ZNF853: variants seen among roughly 807,000 people sequenced by gnomAD.
ZNF853 encodes zinc finger protein 853.
A neutral mutation model predicts 94.7 loss-of-function variants in ZNF853; 57 were observed. The ratio of observed to expected loss-of-function variants is 0.60; its 90% confidence interval spans 0.49 to 0.75. ZNF853 has a LOEUF of 0.75. ZNF853 is among the 30% of genes least tolerant of loss of function. The pLI, the probability that ZNF853 is intolerant of heterozygous loss-of-function variation, is 0.00. For missense variants in ZNF853, 785 were observed against 868.9 expected, an observed-to-expected ratio of 0.90 and a Z score of 1.21; for synonymous variants, 448 against 406.3, an observed-to-expected ratio of 1.10 and a Z score of -1.23.
At position 6,621,816 on chromosome 7, in the gene ZNF853, G is replaced by A. The variant is rs745907812; in HGVS notation, c.825G>A (p.Gln275=). The A allele has an allele frequency of 6.5e-7, 1 of 1,550,320 alleles. No individual in the cohort carries two copies. The highest frequency in any genetic ancestry group is 1.2e-5 in the South Asian group (1 of 83,872). ...TGGAACAGCAGCAGGCACAGTTACA[G>A]CAGCAGCTACTGCTGCAGCAGCAGG... ...QLLEQQQAQL[Q]QQLLLQQQEQ... The change falls in exon 3 of 3, where the codon CAG becomes CAA. Residue 275 remains glutamine (Q), a synonymous_variant. Coordinates refer to ENST00000457543, the MANE Select transcript of ZNF853 (RefSeq NM_017560.3).
rs1039371383 is a variant in ZNF853, at chr7:6,621,968, C to T, written c.977C>T (p.Pro326Leu). The change falls in exon 3 of 3, where the codon CCG (proline) becomes CTG (leucine). Residue 326 changes from proline to leucine, a missense_variant. Transcript: ENST00000457543. ...GAAGAGGTGGAGCTGGAGCTCATGC[C>T]GGTGGACCTGGGGTCAGAGCAGGAG... ...EEEEVELELM[P>L]VDLGSEQELE... 11 of 1,550,750 alleles carry T rather than the reference C, an allele frequency of 7.1e-6. No homozygotes were observed. Among genetic ancestry groups the T allele is most frequent in the Admixed American group, 3.9e-5 (2 of 50,992 alleles).
At chr7:6,621,015 C>G in intron 2 of ZNF853, 107 bp from the exon 3 acceptor site, 9 of 1,350,968 alleles carry the variant, frequency 6.7e-6, no homozygotes, top group Non-Finnish European at 8.8e-6. Flanking sequence ...CTGCTAAGAG[C>G]GTGTTAGTGT....
chr7:6,616,100 T>A lies in ZNF853; in HGVS notation c.-75T>A. 1 of 1,470,972 alleles carries A rather than the reference T, an allele frequency of 6.8e-7. No individual in the cohort carries two copies. The highest frequency in any genetic ancestry group is 1.2e-5 in the South Asian group (1 of 81,234). 91.1% of individuals were successfully genotyped at this position (1,470,972 alleles called of 1,614,324 possible). A position where few individuals can be genotyped will look rare whatever the true frequency, so the allele number is the denominator to read the frequency against. On this transcript the variant is annotated 5_prime_UTR_variant, in exon 1 of 3. Transcript: ENST00000457543. ...GGAGGCGCCTCCGGAAGGAGCCGGCTGCACGCCGTGGCCTTCACCTCGCAG... is the reference window on the plus strand; with the variant it reads ...GGAGGCGCCTCCGGAAGGAGCCGGCAGCACGCCGTGGCCTTCACCTCGCAG...
chr7:6,619,624 C>G, intron 2 of ZNF853, among the ~76,000 whole-genome samples: 2 of 152,004 alleles, frequency 1.3e-5, no homozygotes, highest in Non-Finnish European at 2.9e-5. Context: ...AGAAAGCAAA[C>G]TTTTATAAAT....
In ZNF853 at chr7:6,621,410, C is replaced by T. The variant is rs922692949; in HGVS notation, c.419C>T (p.Ser140Phe). 6.4e-7 allele frequency: 1 copy of T among 1,551,610 alleles called. No homozygotes were observed. The highest frequency in any genetic ancestry group is 1.4e-5 in the African/African-American group (1 of 73,036). Reference protein sequence around the residue: ...LSQLQQEKHQSVHHQELKPEL... With the variant: ...LSQLQQEKHQFVHHQELKPEL... Reference sequence around the variant, plus strand: ...CAACTACAACAGGAAAAACACCAATCCGTGCACCATCAGGAACTGAAACCA... The same window carrying T: ...CAACTACAACAGGAAAAACACCAATTCGTGCACCATCAGGAACTGAAACCA... The change falls in exon 3 of 3, where the codon TCC becomes TTC. Residue 140 changes from serine to phenylalanine, a missense_variant. By Grantham distance (155) the Ser-to-Phe change is radical. Coordinates refer to ENST00000457543, the MANE Select transcript of ZNF853 (RefSeq NM_017560.3).
intron 1 of ZNF853, 133 bp from the exon 2 acceptor site, chr7:6,617,057 G>A: frequency 1.6e-6 from 1 of 614,966 alleles, no homozygotes; most frequent in South Asian, 2.1e-5. Context: ...CAGTCCTATA[G>A]TTGCAGCAGG....
chr7:6,622,104 G>A lies in ZNF853; in HGVS notation c.1113G>A (p.Gln371=), dbSNP rs1002795896. ...AGGAGCTGCAGCAGCTGGAGCAACA[G>A]CTGGAGCAGCAGCAGCAGCAGCTGG... ...LQEELQQLEQ[Q]LEQQQQQLEQ... Residue 371 remains glutamine (Q), a synonymous_variant, in exon 3 of 3, where the codon CAG becomes CAA. Transcript: ENST00000457543. 1.1e-5 allele frequency: 17 copies of A among 1,546,026 alleles called. No individual in the cohort carries two copies. The African/African-American group carries it at 2.3e-4, about 21-fold the overall frequency.
Position 6,616,095 on chromosome 7 carries a change from C to A in ZNF853, c.-80C>A, listed in dbSNP as rs952425720. On this transcript the variant is annotated 5_prime_UTR_variant, in exon 1 of 3. Coordinates refer to ENST00000457543, the MANE Select transcript of ZNF853 (RefSeq NM_017560.3). Reference sequence around the variant, plus strand: ...TGGATGGAGGCGCCTCCGGAAGGAGCCGGCTGCACGCCGTGGCCTTCACCT... The same window carrying A: ...TGGATGGAGGCGCCTCCGGAAGGAGACGGCTGCACGCCGTGGCCTTCACCT... 4.9e-6 allele frequency: 7 copies of A among 1,432,598 alleles called. No individual in the cohort carries two copies. The highest frequency in any genetic ancestry group is 6.7e-6 in the Non-Finnish European group (7 of 1,051,566). The allele number at this position is 1,432,598 out of a possible 1,614,324, so 88.7% of individuals were successfully genotyped here.
At position 6,622,418 on chromosome 7, in the gene ZNF853, G is replaced by A. The variant is rs1229253709; in HGVS notation, c.1427G>A (p.Arg476Gln). 2.8e-6 allele frequency: 4 copies of A among 1,416,134 alleles called. No individual in the cohort carries two copies. The highest frequency in any genetic ancestry group is 3.7e-6 in the Non-Finnish European group (4 of 1,094,542). The allele number at this position is 1,416,134 out of a possible 1,614,324, so 87.7% of individuals were successfully genotyped here. Residue 476 changes from arginine to glutamine, a missense_variant, in exon 3 of 3, where the codon CGG becomes CAG. Arg to Gln is a conservative substitution (Grantham distance 43, BLOSUM62 1). Coordinates refer to ENST00000457543, the MANE Select transcript of ZNF853 (RefSeq NM_017560.3). ...SAALTPARQR[R>Q]RRRARDRPTI... ...GCGTTGACCCCTGCACGGCAGCGGC[G>A]GCGGCGGCGCGCTCGGGACCGGCCG...
chr7:6,621,420 T>A lies in ZNF853; in HGVS notation c.429T>A (p.His143Gln), dbSNP rs1300028492. The A allele has an allele frequency of 6.4e-7, 1 of 1,551,592 alleles. No homozygotes were observed. The highest frequency in any genetic ancestry group is 2.0e-5 in the Admixed American group (1 of 50,984). ...LQQEKHQSVH[H>Q]QELKPELQLM... is the part of the protein sequence containing the mutation. ...AGGAAAAACACCAATCCGTGCACCA[T>A]CAGGAACTGAAACCAGAACTGCAGC... Residue 143 changes from histidine (H) to glutamine (Q), a missense_variant, in exon 3 of 3, where the codon CAT (histidine) becomes CAA (glutamine). Coordinates refer to ENST00000457543, the MANE Select transcript of ZNF853 (RefSeq NM_017560.3).
chr7:6,622,950 G>A lies in ZNF853; in HGVS notation c.1959G>A (p.Ala653=), dbSNP rs1782668225. The A allele has an allele frequency of 3.2e-6, 4 of 1,251,364 alleles. No individual in the cohort carries two copies. The South Asian group carries it at 1.0e-4, about 31-fold the overall frequency. The allele number at this position is 1,251,364 out of a possible 1,614,324, so 77.5% of individuals were successfully genotyped here. The part of the protein sequence containing the change: ...ARAEQAATAT[A]PADKAL ...CGGAGCAGGCCGCTACAGCCACTGC[G>A]CCCGCAGACAAGGCGCTGTGAGGGC... Residue 653 remains alanine (A), a synonymous_variant, in exon 3 of 3, where the codon GCG becomes GCA. Transcript: ENST00000457543.
Position 6,616,109 on chromosome 7 carries a change from T to A in ZNF853, c.-66T>A. 6.7e-7 allele frequency: 1 copy of A among 1,502,528 alleles called. No individual in the cohort carries two copies. The allele number at this position is 1,502,528 out of a possible 1,614,324, so 93.1% of individuals were successfully genotyped here. A position where few individuals can be genotyped will look rare whatever the true frequency, so the allele number is the denominator to read the frequency against. ...TCCGGAAGGAGCCGGCTGCACGCCG[T>A]GGCCTTCACCTCGCAGCCTCTGCTG... On this transcript the variant is annotated 5_prime_UTR_variant, in exon 1 of 3. Transcript: ENST00000457543.
chr7:6,617,061 C>T, intron 1 of ZNF853, 129 bp from the exon 2 acceptor site: 4 of 625,376 alleles, frequency 6.4e-6, no homozygotes, highest in South Asian at 6.2e-5. Flanking sequence ...CCTATAGTTG[C>T]AGCAGGTATG....
At chr7:6,620,199 C>G in intron 2 of ZNF853, among the ~76,000 whole-genome samples, 2 of 152,322 alleles carry the variant, frequency 1.3e-5, no homozygotes, top group East Asian at 1.9e-4. Context: ...CTGTCTGAAA[C>G]CTAGTGGTCT....
chr7:6,623,845 C>T lies in ZNF853; in HGVS notation c.*874C>T, dbSNP rs1782694938. 6.6e-6 allele frequency: 1 copy of T among 152,516 alleles called. No individual in the cohort carries two copies. Among genetic ancestry groups the T allele is most frequent in the Non-Finnish European group, 1.5e-5 (1 of 68,260 alleles). 9.4% of individuals were successfully genotyped at this position (152,516 alleles called of 1,614,324 possible). The stretch of plus-strand genomic sequence containing the variant: ...CTCCGGGGTAGCCCCACTGTGGCCC[C>T]CCTGGACTCCACCAGCTTCATGCTT... On this transcript the variant is annotated 3_prime_UTR_variant, in exon 3 of 3. Transcript: ENST00000457543.
chr7:6,617,471 C>T, intron 2 of ZNF853, 164 bp downstream of exon 2: 1 of 641,652 alleles, frequency 1.6e-6, no homozygotes, highest in Admixed American at 6.3e-5. Flanking sequence ...GTGGCTGTGT[C>T]AGGCAGGCTG....
At chr7:6,620,988 C>T in intron 2 of ZNF853, 134 bp from the exon 3 acceptor site, 1 of 1,161,098 alleles carries the variant, frequency 8.6e-7, no homozygotes, top group South Asian at 2.0e-5. Context: ...GTTACTCGAT[C>T]CAGCACTTTC....
Position 6,617,304 on chromosome 7 carries a change from T to G in ZNF853, c.127T>G (p.Ser43Ala). The G allele has an allele frequency of 1.4e-6, 2 of 1,477,252 alleles. No individual in the cohort carries two copies. Among genetic ancestry groups the G allele is most frequent in the Non-Finnish European group, 1.8e-6 (2 of 1,106,828 alleles). 91.5% of individuals were successfully genotyped at this position (1,477,252 alleles called of 1,614,324 possible). Residue 43 changes from serine to alanine, a missense_variant, in exon 2 of 3, where the codon TCA becomes GCA. By Grantham distance (99) the Ser-to-Ala change is moderately conservative (BLOSUM62 1). Transcript: ENST00000457543. ...TGGGGGCCCAGGGCCTGACACCCTC[T>G]CAGGTGAGGGCCTCGGGGGATCCCT... ...EDGGPGPDTL[S>A]GGSGGSESQE...
At chr7:6,619,910 G>A in intron 2 of ZNF853, among the ~76,000 whole-genome samples, 19 of 152,164 alleles carry the variant, frequency 1.2e-4, no homozygotes, top group African/African-American at 4.3e-4. Context: ...GAGCCACCAC[G>A]CCCAGCCTAG....
Sources: gnomAD v4.1 joint callset for allele counts (sites outside exome capture counted in the v4.1 genomes callset) on GRCh38, gnomAD v4.1.1 for gene constraint, MANE v1.5 for transcripts, NCBI Gene and HGNC (gene_info 2026-07-23, HGNC 2026-07-21) for gene names.